Variants in EXOC6B observed in about 807,000 individuals in gnomAD.
EXOC6B encodes the protein SEC15 homolog B.
In EXOC6B, 54 loss-of-function variants were observed where a neutral mutation model predicts 113.5. The observed-to-expected ratio is 0.48, with a 90% CI of 0.38 to 0.60. EXOC6B has a LOEUF of 0.60. EXOC6B is among the 20% of genes least tolerant of loss of function. The pLI is 0.00. For synonymous variants in EXOC6B, 357 were observed against 339.0 expected, an observed-to-expected ratio of 1.05 and a Z score of -0.58; for missense variants, 797 against 977.5, an observed-to-expected ratio of 0.82 and a Z score of 2.46.
chr2:72,297,789 T>C (rs1055628959), intron 20 of EXOC6B, among the ~76,000 whole-genome samples: 6 of 152,334 alleles, frequency 3.9e-5, no homozygotes, highest in African/African-American at 1.2e-4. Flanking sequence ...AGTTTCCATG[T>C]AGTTGTGCAG....
chr2:72,739,509 G>A (rs898081599), intron 2 of EXOC6B, among the ~76,000 whole-genome samples: 3 of 151,926 alleles, frequency 2.0e-5, no homozygotes, highest in Non-Finnish European at 2.9e-5. Context: ...GTTTTAATTT[G>A]TAGGTAGAAT....
chr2:72,189,631 G>A (rs1054079846), intron 20 of EXOC6B, among the ~76,000 whole-genome samples: 1 of 152,052 alleles, frequency 6.6e-6, no homozygotes, highest in African/African-American at 2.4e-5. Context: ...ACATTTATGA[G>A]TTGTCACTCA....
At chr2:72,192,090 C>T (rs552842210) in intron 20 of EXOC6B, among the ~76,000 whole-genome samples, 35 of 152,248 alleles carry the variant, frequency 2.3e-4, no homozygotes, top group African/African-American at 8.2e-4. Context: ...AATTGTTGGA[C>T]GTACCCTACC....
chr2:72,469,483 T>C (rs1381223160), intron 17 of EXOC6B, among the ~76,000 whole-genome samples: 2 of 152,124 alleles, frequency 1.3e-5, no homozygotes, highest in South Asian at 2.1e-4. Context: ...TCACAAATTA[T>C]AATAAGTTGT....
At chr2:72,434,846 C>T (rs1695755533) in intron 18 of EXOC6B, among the ~76,000 whole-genome samples, 1 of 152,068 alleles carries the variant, frequency 6.6e-6, no homozygotes, top group Non-Finnish European at 1.5e-5. Flanking sequence ...TTAATCTTTT[C>T]AAAAAACCAG....
intron 20 of EXOC6B, among the ~76,000 whole-genome samples, chr2:72,289,951 A>G (rs1685683764): frequency 1.3e-5 from 2 of 152,206 alleles, no homozygotes; most frequent in South Asian, 2.1e-4. Context: ...GAAGGCCTGA[A>G]AAAACCACAA....
chr2:72,329,307 T>C (rs1006357253), intron 20 of EXOC6B, among the ~76,000 whole-genome samples: 7 of 152,026 alleles, frequency 4.6e-5, no homozygotes, highest in African/African-American at 1.7e-4. Flanking sequence ...GTTAACAGTT[T>C]AATGGTTATA....
intron 10 of EXOC6B, among the ~76,000 whole-genome samples, chr2:72,514,430 C>T (rs1403565892): frequency 2.0e-5 from 3 of 151,534 alleles, no homozygotes; most frequent in Non-Finnish European, 4.4e-5. Flanking sequence ...TTGAAACCAG[C>T]AGGGTGTTCC....
chr2:72,185,444 G>A (rs1409225325), intron 20 of EXOC6B, among the ~76,000 whole-genome samples: 1 of 152,250 alleles, frequency 6.6e-6, no homozygotes, highest in Non-Finnish European at 1.5e-5. Context: ...TGAACTTCCT[G>A]AAGCAGGATG....
At chr2:72,392,709 A>C (rs1692467680) in intron 18 of EXOC6B, among the ~76,000 whole-genome samples, 1 of 152,194 alleles carries the variant, frequency 6.6e-6, no homozygotes, top group African/African-American at 2.4e-5. Context: ...GCCCCAGCAG[A>C]GTTTTGAGTT....
chr2:72,677,615 T>G (rs771509915), intron 6 of EXOC6B, among the ~76,000 whole-genome samples: 1 of 152,198 alleles, frequency 6.6e-6, no homozygotes, highest in Non-Finnish European at 1.5e-5. Context: ...CAGTGCTACA[T>G]TCTTTGACAG....
At chr2:72,637,685 G>T (rs1672946907) in intron 6 of EXOC6B, among the ~76,000 whole-genome samples, 1 of 151,980 alleles carries the variant, frequency 6.6e-6, no homozygotes, top group Non-Finnish European at 1.5e-5. Flanking sequence ...AGCTACTGGG[G>T]AGGCTGAGGC....
At chr2:72,645,830 A>G (rs958781316) in intron 6 of EXOC6B, among the ~76,000 whole-genome samples, 6 of 152,232 alleles carry the variant, frequency 3.9e-5, no homozygotes, top group African/African-American at 1.4e-4. Context: ...ATGCCCACAA[A>G]AGAAAGCAGG....
chr2:72,666,810 CACACACACACACAA>C (rs1197376999), intron 6 of EXOC6B, among the ~76,000 whole-genome samples: 7 of 150,972 alleles, frequency 4.6e-5, no homozygotes, highest in South Asian at 2.1e-4. Flanking sequence ...CACACACACA[CACACACACACACAA>C]AGAAATGCCT....
chr2:72,601,176 G>GTGTGCGTGTGTGTA (rs1553450422), intron 6 of EXOC6B, among the ~76,000 whole-genome samples: 3 of 147,646 alleles, frequency 2.0e-5, no homozygotes, highest in South Asian at 2.1e-4. Context: ...GTGTGTGTGT[G>GTGTGCGTGTGTGTA]TATATCTTTT....
At chr2:72,596,650 A>G (rs1670092202) in intron 6 of EXOC6B, among the ~76,000 whole-genome samples, 1 of 152,134 alleles carries the variant, frequency 6.6e-6, no homozygotes, top group East Asian at 1.9e-4. Context: ...TGTTGGTTCA[A>G]TATTTTTTAA....
At chr2:72,607,993 T>C (rs1007016028) in intron 6 of EXOC6B, among the ~76,000 whole-genome samples, 1 of 152,106 alleles carries the variant, frequency 6.6e-6, no homozygotes, top group African/African-American at 2.4e-5. Context: ...GAAGGTAGGA[T>C]TGTTTTACAT....
intron 15 of EXOC6B, among the ~76,000 whole-genome samples, chr2:72,493,517 A>G (rs1281212893): frequency 6.6e-6 from 1 of 151,842 alleles, no homozygotes; most frequent in Non-Finnish European, 1.5e-5. Context: ...GTTTTGGGTC[A>G]TTTACATTGT....
At chr2:72,419,293 T>G (rs980543747) in intron 18 of EXOC6B, among the ~76,000 whole-genome samples, 1 of 152,208 alleles carries the variant, frequency 6.6e-6, no homozygotes, top group Admixed American at 6.5e-5. Flanking sequence ...TTTTAAAATG[T>G]TTTAGTATCT....
Sources: allele counts gnomAD v4.1 joint callset (sites outside exome capture counted in the v4.1 genomes callset), GRCh38; gene constraint gnomAD v4.1.1; transcripts MANE v1.5; gene names NCBI Gene and HGNC (gene_info 2026-07-23, HGNC 2026-07-21).